Variants in GPM6B observed in about 807,000 individuals in gnomAD.
GPM6B encodes the protein glycoprotein M6B, also known as neuronal membrane glycoprotein M6-b.
In GPM6B, 4 loss-of-function variants were observed where a neutral mutation model predicts 27.2. The ratio of observed to expected loss-of-function variants is 0.15; its 90% CI spans 0.07 to 0.34. The LOEUF (loss-of-function observed/expected upper bound fraction) is 0.34. Ranked by LOEUF, GPM6B falls within the 10% of genes least tolerant of loss-of-function variation. The probability of loss-of-function intolerance (pLI) is 1.00; values close to 1 mark genes in which losing one functional copy is unlikely to be tolerated. For missense variants in GPM6B, 183 were observed against 261.9 expected (o/e 0.70, Z 2.08); for synonymous variants, 124 against 103.1 (o/e 1.20, Z -1.23).
At chrX:13,839,184 C>A in intron 1 of GPM6B, among the ~76,000 whole-genome samples, 1 of 111,743 alleles carries the variant, frequency 8.9e-6, no homozygotes, top group South Asian at 3.8e-4. Context: ...ACTATCATTT[C>A]TTTTTGCTGA....
rs960423814 is a variant in GPM6B, at chrX:13,770,971, T to C, written c.*1910A>G. ...AGCTATAATTTTATTTCATTACTCT[T>C]AGTACATCCACAACTATTTCCACCT... On this transcript the variant is annotated 3_prime_UTR_variant, in exon 8 of 8. Transcript: ENST00000316715. The C allele has an allele frequency of 4.4e-5, 5 of 112,596 alleles. No individual in the cohort carries two copies. Among genetic ancestry groups the C allele is most frequent in the Non-Finnish European group, 7.5e-5 (4 of 53,209 alleles). 9.3% of individuals were successfully genotyped at this position (112,596 alleles called of 1,213,427 possible). A position where few individuals can be genotyped will look rare whatever the true frequency, so the allele number is the denominator to read the frequency against.
At position 13,846,790 on chromosome X, in the gene GPM6B, CT is replaced by C. The variant is rs10656571; in HGVS notation, c.-197-60983del. ...TTACAGGCGTGAGCCACTGCGCCAG[CT>C]TTTTTTTTTTTTTTTTTTTAAACTT... On this transcript the variant is annotated intron_variant, in intron 1 of 6. Transcript: ENST00000398361. Among the ~76,000 whole-genome samples the C allele has an allele frequency of 5.0e-3, 427 of 85,395 alleles. 7 individuals are homozygous for C. The highest frequency in any genetic ancestry group is 0.041 in the Admixed American group (310 of 7,533). 74.2% of individuals were successfully genotyped at this position (85,395 alleles called of 115,157 possible).
intron 1 of GPM6B, among the ~76,000 whole-genome samples, chrX:13,839,152 C>T (rs1167812617): frequency 1.8e-5 from 2 of 111,510 alleles, no homozygotes; most frequent in East Asian, 5.6e-4. Context: ...CCTTGGCTTC[C>T]ACAACCCCCC....
At chrX:13,920,840 G>A (rs1308463323) in intron 1 of GPM6B, among the ~76,000 whole-genome samples, 9 of 108,039 alleles carry the variant, frequency 8.3e-5, no homozygotes, top group African/African-American at 2.7e-4. Flanking sequence ...GCAGTGAGCC[G>A]AGATCGCGCC....
rs749288178 is a variant in GPM6B, at chrX:13,881,407, G to A, written c.-198+56920C>T. On this transcript the variant is annotated intron_variant, in intron 1 of 6. Coordinates refer to the GPM6B transcript ENST00000398361. ...CATGTCTCTAGTCCCAGCTACTTGG[G>A]AGGCTGAGGTGGGAGAATCGCTTGG... Among the ~76,000 whole-genome samples the A allele has an allele frequency of 1.3e-3, 146 of 110,906 alleles. 1 individual carries two copies. The highest frequency in any genetic ancestry group is 4.3e-3 in the African/African-American group (132 of 30,431).
At chrX:13,773,914 T>C (rs1227034989) in intron 7 of GPM6B, 44 of 679,540 alleles carry the variant, frequency 6.5e-5, no homozygotes, top group African/African-American at 9.9e-5. Flanking sequence ...AACAGAATGA[T>C]TGTGTTGTAC....
At chrX:13,912,456 T>C (rs1255998572) in intron 1 of GPM6B, among the ~76,000 whole-genome samples, 1 of 111,957 alleles carries the variant, frequency 8.9e-6, no homozygotes, top group Non-Finnish European at 1.9e-5. Flanking sequence ...ACCTCCTCCA[T>C]TACTTTTGTT....
At chrX:13,856,132 T>C (rs1215405090) in intron 1 of GPM6B, among the ~76,000 whole-genome samples, 3 of 112,024 alleles carry the variant, frequency 2.7e-5, no homozygotes, top group African/African-American at 9.8e-5. Context: ...TCTGGTTTCT[T>C]ACATATCATT....
At chrX:13,920,594 T>G (rs1920960079) in intron 1 of GPM6B, among the ~76,000 whole-genome samples, 4 of 111,571 alleles carry the variant, frequency 3.6e-5, no homozygotes, top group African/African-American at 1.3e-4. Flanking sequence ...ACCTATTGCT[T>G]GAAATTAATG....
At chrX:13,884,510 G>A (rs955540009) in intron 1 of GPM6B, among the ~76,000 whole-genome samples, 6 of 112,140 alleles carry the variant, frequency 5.4e-5, no homozygotes, top group Admixed American at 2.8e-4. Context: ...AGTTTCAAGA[G>A]TAGTGAATGG....
intron 1 of GPM6B, among the ~76,000 whole-genome samples, chrX:13,824,875 G>T (rs1372770850): frequency 1.8e-5 from 2 of 112,186 alleles, no homozygotes; most frequent in East Asian, 5.6e-4. Context: ...CTGGAGCTGA[G>T]AAGTCCAAAG....
intron 7 of GPM6B, among the ~76,000 whole-genome samples, chrX:13,774,904 A>G (rs2048381866): frequency 8.9e-6 from 1 of 112,087 alleles, no homozygotes. Flanking sequence ...ACAGCATGAG[A>G]AGGATGAAGC....
chrX:13,851,848 C>A (rs1252471689), intron 1 of GPM6B, among the ~76,000 whole-genome samples: 1 of 111,417 alleles, frequency 9.0e-6, no homozygotes, highest in Non-Finnish European at 1.9e-5. Flanking sequence ...CTTAAAATTT[C>A]TCTTGGCAGG....
In GPM6B at chrX:13,802,555, T is replaced by TAC. The variant is rs200956831; in HGVS notation, c.181+5094_181+5095insGT. On this transcript the variant is annotated intron_variant, in intron 2 of 7. Transcript: ENST00000316715. Reference sequence around the variant, plus strand: ...TTACAGCTATATATAAATTATTTTATATATATATATATAAAGACTGCCATA... The same window carrying TAC: ...TTACAGCTATATATAAATTATTTTATACATATATATATATAAAGACTGCCATA... Among the ~76,000 whole-genome samples the TAC allele has an allele frequency of 5.4e-3, 585 of 109,090 alleles. 7 individuals carry two copies. Among genetic ancestry groups the TAC allele is most frequent in the Non-Finnish European group, 6.8e-3 (354 of 52,409 alleles). The allele number at this position is 109,090 out of a possible 115,157, so 94.7% of individuals were successfully genotyped here.
intron 1 of GPM6B, among the ~76,000 whole-genome samples, chrX:13,911,877 T>TA (rs752585032): frequency 2.7e-5 from 3 of 112,322 alleles, no homozygotes; most frequent in Non-Finnish European, 5.6e-5. Context: ...GAAAAACTGT[T>TA]ACACATTTCC....
Position 13,880,675 on chromosome X carries a change from C to CA in GPM6B, c.-198+57651dup, listed in dbSNP as rs57849359. ...TGGGAGACAGAGCAAGGCTCCATCTCAAAAAAAAAAAAAAAAGGCAAATCA... is the reference window on the plus strand; with the variant it reads ...TGGGAGACAGAGCAAGGCTCCATCTCAAAAAAAAAAAAAAAAAGGCAAATCA... On this transcript the variant is annotated intron_variant, in intron 1 of 6. Transcript: ENST00000398361. 4.7e-3 allele frequency among the ~76,000 whole-genome samples: 221 copies of CA among 46,585 alleles called. 4 individuals are homozygous for CA. Among genetic ancestry groups the CA allele is most frequent in the South Asian group, 6.6e-3 (3 of 454 alleles). 40.5% of individuals were successfully genotyped at this position (46,585 alleles called of 115,157 possible).
At chrX:13,825,893 G>A (rs2049366589) in intron 1 of GPM6B, among the ~76,000 whole-genome samples, 1 of 111,958 alleles carries the variant, frequency 8.9e-6, no homozygotes, top group Non-Finnish European at 1.9e-5. Flanking sequence ...GAGATCACAG[G>A]AGAGGAAGAG....
At chrX:13,814,951 G>A (rs1278741763) in intron 1 of GPM6B, among the ~76,000 whole-genome samples, 3 of 112,134 alleles carry the variant, frequency 2.7e-5, no homozygotes, top group Admixed American at 9.4e-5. Context: ...AATTTTTAAA[G>A]TTCCTTCACA....
In GPM6B at chrX:13,807,694, G is replaced by A. The variant is rs1350825678; in HGVS notation, c.137C>T (p.Pro46Leu). 6 of 1,202,783 alleles carry A rather than the reference G, an allele frequency of 5.0e-6. No individual in the cohort carries two copies. The highest frequency in any genetic ancestry group is 6.7e-6 in the Non-Finnish European group (6 of 889,250). ...AGCCCTGTCCCCCAGGGTTGGCACG[G>A]GATGGTACTGGTGGTTCTTTGAGCC... ...YPGSKNHQYHPVPTLGDRASP... is the reference protein window; with the variant it reads ...YPGSKNHQYHLVPTLGDRASP... Residue 46 changes from proline to leucine, a missense_variant, in exon 2 of 8, where the codon CCC (proline) becomes CTC (leucine). Pro to Leu is a moderately conservative substitution (Grantham distance 98). Coordinates refer to ENST00000316715, the MANE Select transcript of GPM6B (RefSeq NM_001001995.3).
Sources: gnomAD v4.1 joint callset for allele counts (sites outside exome capture counted in the v4.1 genomes callset) on GRCh38, gnomAD v4.1.1 for gene constraint, MANE v1.5 for transcripts, NCBI Gene and HGNC (gene_info 2026-07-23, HGNC 2026-07-21) for gene names.